The following SSH1 variants were observed in gnomAD, a reference collection of about 807,000 sequenced individuals.
SSH1 encodes the protein protein phosphatase Slingshot homolog 1.
A neutral mutation model predicts 79.7 loss-of-function variants in SSH1; 43 were observed. That is an observed-to-expected ratio of 0.54 (90% confidence interval 0.42 to 0.70). The LOEUF is 0.70. SSH1 is among the 30% of genes least tolerant of loss of function. SSH1 has a pLI of 0.00. For missense variants in SSH1, 1,206 were observed against 1,358.8 expected, an observed-to-expected ratio of 0.89 and a Z score of 1.77; for synonymous variants, 599 against 538.3, an observed-to-expected ratio of 1.11 and a Z score of -1.56.
intron 9 of SSH1, among the ~76,000 whole-genome samples, 171 bp downstream of exon 9, chr12:108,806,129 TC>T (rs2037259565): frequency 6.6e-6 from 1 of 152,028 alleles, no homozygotes; most frequent in African/African-American, 2.4e-5. Context: ...GGAGTCTGAC[TC>T]CGAGGCCTGA....
Position 108,799,117 on chromosome 12 carries a change from T to G in SSH1, c.1232A>C (p.Glu411Ala). The change falls in exon 13 of 15, where the codon GAA (glutamate) becomes GCA (alanine). Residue 411 changes from glutamate (E) to alanine (A), a missense_variant. Coordinates refer to ENST00000326495, the MANE Select transcript of SSH1 (RefSeq NM_018984.4). ...TGCTTTTTCCAGAGGCCAGCCGAATTCCTTCATTGCATAGGCTATGACTGT... is the reference window on the plus strand; with the variant it reads ...TGCTTTTTCCAGAGGCCAGCCGAATGCCTTCATTGCATAGGCTATGACTGT... ...ASTVIAYAMKEFGWPLEKAYN... is the reference protein window; with the variant it reads ...ASTVIAYAMKAFGWPLEKAYN... 1.2e-6 allele frequency: 2 copies of G among 1,614,252 alleles called. No individual in the cohort carries two copies. The highest frequency in any genetic ancestry group is 8.5e-7 in the Non-Finnish European group (1 of 1,180,042).
At chr12:108,855,268 T>C (rs2039121165) in intron 1 of SSH1, among the ~76,000 whole-genome samples, 1 of 152,196 alleles carries the variant, frequency 6.6e-6, no homozygotes, top group Non-Finnish European at 1.5e-5. Context: ...TCCATTTATA[T>C]AAAATGTCCA....
In SSH1 at chr12:108,779,504, T is replaced by C. The variant is rs920784101; in HGVS notation, c.*8484A>G. 4 of 152,184 alleles carry C rather than the reference T, an allele frequency of 2.6e-5. No individual in the cohort carries two copies. The highest frequency in any genetic ancestry group is 5.9e-5 in the Non-Finnish European group (4 of 68,040). The allele number at this position is 152,184 out of a possible 1,614,324, so 9.4% of individuals were successfully genotyped here. ...TTTCAGATGATGAGGGAGCAGTTCC[T>C]ATCTGGCTTCATCAATTTTTAGATG... On this transcript the variant is annotated 3_prime_UTR_variant, in exon 15 of 15. Coordinates refer to ENST00000326495, the MANE Select transcript of SSH1 (RefSeq NM_018984.4).
At chr12:108,794,497 T>C (rs1178179988) in intron 13 of SSH1, among the ~76,000 whole-genome samples, 1 of 152,216 alleles carries the variant, frequency 6.6e-6, no homozygotes. Context: ...AAAAGGGGGA[T>C]AACCTGTACA....
chr12:108,792,806 C>T lies in SSH1; in HGVS notation c.1373G>A (p.Trp458Ter), dbSNP rs1023391949. Residue 458 changes from tryptophan (W) to a stop codon, truncating the protein, a stop_gained, in exon 14 of 15, where the codon TGG becomes TAG. Transcript: ENST00000326495. LOFTEE classifies it high-confidence loss of function. ...GAGGCTGCTGTCTGTCTGCTGACGC[C>T]ACAGCTTGTTGTGCCGCTGTTTGCT... ...DASKQRHNKL[W>*]RQQTDSSLQQ... 4.3e-6 allele frequency: 7 copies of T among 1,613,734 alleles called. No homozygotes were observed. The highest frequency in any genetic ancestry group is 5.1e-6 in the Non-Finnish European group (6 of 1,180,034).
intron 2 of SSH1, among the ~76,000 whole-genome samples, chr12:108,838,030 C>T (rs1428383603): frequency 6.6e-6 from 1 of 152,170 alleles, no homozygotes; most frequent in Non-Finnish European, 1.5e-5. Flanking sequence ...GAGATCCTCC[C>T]ACCTCGGTCT....
At chr12:108,811,614 G>A (rs1350598871) in intron 5 of SSH1, 50 of 482,994 alleles carry the variant, frequency 1.0e-4, no homozygotes, top group African/African-American at 5.3e-4. Flanking sequence ...CTCTGCTGGC[G>A]GAGGCCACAT....
At chr12:108,790,658 G>T (rs2036464934) in intron 14 of SSH1, among the ~76,000 whole-genome samples, 2 of 152,220 alleles carry the variant, frequency 1.3e-5, no homozygotes, top group Admixed American at 1.3e-4. Context: ...TCCATAATTA[G>T]TATTTGATTT....
At chr12:108,836,827 C>T in intron 2 of SSH1, 1 of 492,760 alleles carries the variant, frequency 2.0e-6, no homozygotes, top group Non-Finnish European at 4.3e-6. Flanking sequence ...ACGCAGCATC[C>T]CTTGGGTGAT....
At chr12:108,790,650 C>A (rs1282066754) in intron 14 of SSH1, among the ~76,000 whole-genome samples, 1 of 152,206 alleles carries the variant, frequency 6.6e-6, no homozygotes, top group African/African-American at 2.4e-5. Flanking sequence ...GGGGGAAATC[C>A]ATAATTAGTA....
chr12:108,796,817 A>G (rs553771940), intron 13 of SSH1, among the ~76,000 whole-genome samples: 1 of 150,086 alleles, frequency 6.7e-6, no homozygotes, highest in East Asian at 2.0e-4. Context: ...ATCTCGGCTC[A>G]CTGTAACCTC....
At chr12:108,800,973 G>A (rs570680595) in intron 11 of SSH1, 47 bp from the exon 12 acceptor site, 1 of 1,570,032 alleles carries the variant, frequency 6.4e-7, no homozygotes, top group Non-Finnish European at 8.7e-7. Flanking sequence ...ATCTGAATGA[G>A]AAAGAAAAGC....
chr12:108,815,182 C>A (rs2037827181), intron 5 of SSH1, among the ~76,000 whole-genome samples: 1 of 152,218 alleles, frequency 6.6e-6, no homozygotes, highest in Non-Finnish European at 1.5e-5. Context: ...AAAAGCCCTG[C>A]CTCCAAGTCC....
In SSH1 at chr12:108,781,680, C is replaced by CTGT. The variant is rs1782661166; in HGVS notation, c.*6305_*6307dup. The CTGT allele has an allele frequency of 6.6e-6, 1 of 152,208 alleles. No individual in the cohort carries two copies. The highest frequency in any genetic ancestry group is 1.5e-5 in the Non-Finnish European group (1 of 68,052). 9.4% of individuals were successfully genotyped at this position (152,208 alleles called of 1,614,324 possible). On this transcript the variant is annotated 3_prime_UTR_variant, in exon 15 of 15. Coordinates refer to ENST00000326495, the MANE Select transcript of SSH1 (RefSeq NM_018984.4). Reference sequence around the variant, plus strand: ...CCCATACATTTCCCAGTCTCCCTGGCTGTTGCATTGGGACCCTGTGACTGG... The same window carrying CTGT: ...CCCATACATTTCCCAGTCTCCCTGGCTGTTGTTGCATTGGGACCCTGTGACTGG...
At position 108,852,637 on chromosome 12, in the gene SSH1, C is replaced by T. The variant is rs2039065934; in HGVS notation, c.110+1G>A. On this transcript the variant is annotated splice_donor_variant, in intron 2 of 14. Transcript: ENST00000326495. LOFTEE classifies it high-confidence loss of function. ...GGAACAAGAATTGAAAGTCTGCTTACCTGAGGTTTAATTTTCGATCTTCTT... is the reference window on the plus strand; with the variant it reads ...GGAACAAGAATTGAAAGTCTGCTTATCTGAGGTTTAATTTTCGATCTTCTT... The T allele has an allele frequency of 1.9e-6, 3 of 1,614,032 alleles. No homozygotes were observed. Among genetic ancestry groups the T allele is most frequent in the Non-Finnish European group, 2.5e-6 (3 of 1,180,016 alleles).
At chr12:108,837,628 CGTA>C (rs1325217020) in intron 2 of SSH1, among the ~76,000 whole-genome samples, 1 of 152,096 alleles carries the variant, frequency 6.6e-6, no homozygotes. Flanking sequence ...TTTTTATCGA[CGTA>C]GTATTTTACA....
chr12:108,823,151 C>T (rs2038186468), intron 3 of SSH1, 107 bp downstream of exon 3: 1 of 1,083,978 alleles, frequency 9.2e-7, no homozygotes, highest in Non-Finnish European at 1.4e-6. Context: ...AACCTGCGTC[C>T]ACTATGTCTA....
chr12:108,811,103 T>G (rs1206399598), intron 6 of SSH1, among the ~76,000 whole-genome samples, 157 bp downstream of exon 6: 1 of 152,194 alleles, frequency 6.6e-6, no homozygotes, highest in Non-Finnish European at 1.5e-5. Flanking sequence ...CCCTCCCTCG[T>G]GCCCTCTCAC....
intron 7 of SSH1, 58 bp downstream of exon 7, chr12:108,809,635 A>T: frequency 6.8e-7 from 1 of 1,469,638 alleles, no homozygotes; most frequent in Non-Finnish European, 9.5e-7. Flanking sequence ...TTTTCTATTC[A>T]TGCTGTCGGC....
Sources: allele counts gnomAD v4.1 joint callset (sites outside exome capture counted in the v4.1 genomes callset), GRCh38; gene constraint gnomAD v4.1.1; transcripts MANE v1.5; gene names NCBI Gene and HGNC (gene_info 2026-07-23, HGNC 2026-07-21).